The following TLE1 variants were observed in gnomAD, a reference collection of about 807,000 sequenced individuals.
The protein encoded by TLE1 is transducin-like enhancer protein 1.
TLE1 carries 21 observed loss-of-function variants against 89.8 expected under a neutral mutation model. That is an observed-to-expected ratio of 0.23 (90% confidence interval 0.17 to 0.34). The LOEUF is 0.34. Ranked by LOEUF, TLE1 falls within the 10% of genes least tolerant of loss-of-function variation. TLE1 has a pLI of 1.00. For synonymous variants in TLE1, 447 were observed against 407.6 expected, an observed-to-expected ratio of 1.10 and a Z score of -1.16; for missense variants, 795 against 1,031.2, an observed-to-expected ratio of 0.77 and a Z score of 3.14.
intron 6 of TLE1, among the ~76,000 whole-genome samples, chr9:81,641,304 A>C (rs1828084367): frequency 6.6e-6 from 1 of 152,204 alleles, no homozygotes; most frequent in South Asian, 2.1e-4. Flanking sequence ...CAAGGACACT[A>C]CTGCAGGAGT....
intron 8 of TLE1, among the ~76,000 whole-genome samples, chr9:81,626,347 A>AC (rs906455580): frequency 6.7e-6 from 1 of 149,104 alleles, no homozygotes; most frequent in Non-Finnish European, 1.5e-5. Context: ...GTAACGACGC[A>AC]CCCCATCACA....
chr9:81,593,394 GT>G, intron 14 of TLE1, 120 bp from the exon 15 acceptor site: 1 of 1,328,988 alleles, frequency 7.5e-7, no homozygotes, highest in Non-Finnish European at 1.0e-6. Context: ...CTCTTGTATA[GT>G]TTCCTTTGAA....
chr9:81,598,741 G>C (rs147412812), intron 14 of TLE1, among the ~76,000 whole-genome samples: 17 of 152,288 alleles, frequency 1.1e-4, no homozygotes, highest in African/African-American at 3.8e-4. Flanking sequence ...GGGAAAGGCA[G>C]TCTCTAGACA....
chr9:81,604,381 G>A (rs959743087), intron 14 of TLE1, among the ~76,000 whole-genome samples: 8 of 152,146 alleles, frequency 5.3e-5, no homozygotes, highest in African/African-American at 1.7e-4. Flanking sequence ...GGGCTGAAGC[G>A]ACAGACAAAT....
intron 6 of TLE1, among the ~76,000 whole-genome samples, chr9:81,642,710 G>C (rs866494516): frequency 1.8e-4 from 3 of 16,924 alleles, no homozygotes; most frequent in African/African-American, 1.5e-3. Flanking sequence ...TGAAAGAAAA[G>C]AAAGAAAGGA....
At chr9:81,640,380 T>C (rs1450356688) in intron 6 of TLE1, among the ~76,000 whole-genome samples, 1 of 149,014 alleles carries the variant, frequency 6.7e-6, no homozygotes, top group East Asian at 2.0e-4. Flanking sequence ...CTGATTCCAC[T>C]AACAATTTCA....
chr9:81,613,682 A>C (rs1009705483), intron 11 of TLE1, among the ~76,000 whole-genome samples, 161 bp from the exon 12 acceptor site: 2 of 152,152 alleles, frequency 1.3e-5, no homozygotes, highest in African/African-American at 2.4e-5. Context: ...GTGAGCGAGA[A>C]ATGTTGACCT....
At position 81,634,308 on chromosome 9, in the gene TLE1, G is replaced by C. The variant is rs1287317325; in HGVS notation, c.373-7C>G. 4 of 1,487,200 alleles carry C rather than the reference G, an allele frequency of 2.7e-6. No individual in the cohort carries two copies. Among genetic ancestry groups the C allele is most frequent in the Non-Finnish European group, 3.6e-6 (4 of 1,106,216 alleles). 92.1% of individuals were successfully genotyped at this position (1,487,200 alleles called of 1,614,324 possible). On this transcript the variant is annotated splice_polypyrimidine_tract_variant and splice_region_variant and intron_variant, in intron 6 of 19. Coordinates refer to ENST00000376499, the MANE Select transcript of TLE1 (RefSeq NM_005077.5). ...GAGCTTGCAACTGCTGCTGCTGTTGGTGGTGGTGGTGAGAGAGAAAAAGGA... is the reference window on the plus strand; with the variant it reads ...GAGCTTGCAACTGCTGCTGCTGTTGCTGGTGGTGGTGAGAGAGAAAAAGGA...
rs760917982 is a variant in TLE1 at position 81,611,952 on chromosome 9, G to A, written c.1071C>T (p.Gly357=). 2.8e-6 allele frequency: 4 copies of A among 1,447,044 alleles called. No individual in the cohort carries two copies. In the East Asian group the frequency reaches 1.1e-4, roughly 40 times the overall value. The allele number at this position is 1,447,044 out of a possible 1,614,324, so 89.6% of individuals were successfully genotyped here. A position where few individuals can be genotyped will look rare whatever the true frequency, so the allele number is the denominator to read the frequency against. Residue 357 remains glycine (G), a synonymous_variant, in exon 13 of 20, where the codon GGC becomes GGT. Transcript: ENST00000376499. ...CGGGCACTGCCAGGGGTGTCCTCAA[G>A]CCAGCTGCTGAAAGGAAACACAAGC... ...IDPLVNQAAA[G]LRTPLAVPGP... is the part of the protein sequence containing the mutation.
At position 81,587,912 on chromosome 9, in the gene TLE1, G is replaced by GTGTGTGTGTGTGTGTCATCCCGCC. The variant is rs1554716616; in HGVS notation, c.1830-85_1830-84insGGCGGGATGACACACACACACACA. The GTGTGTGTGTGTGTGTCATCCCGCC allele has an allele frequency of 5.9e-3, 5,356 of 905,204 alleles. 373 individuals carry two copies. The highest frequency in any genetic ancestry group is 0.026 in the African/African-American group (1,401 of 53,296). 56.1% of individuals were successfully genotyped at this position (905,204 alleles called of 1,614,324 possible). A position where few individuals can be genotyped will look rare whatever the true frequency, so the allele number is the denominator to read the frequency against. On this transcript the variant is annotated intron_variant, in intron 16 of 19. Transcript: ENST00000376499. ...TTGTGTTGTTAGTTTTGGACCGTGT[G>GTGTGTGTGTGTGTGTCATCCCGCC]TGTGTGTGTGTGTGTGTGTGTGTGT... is the stretch of plus-strand genomic sequence containing the variant.
intron 8 of TLE1, 34 bp downstream of exon 8, chr9:81,633,314 T>A (rs894956127): frequency 1.4e-6 from 2 of 1,416,298 alleles, no homozygotes. Flanking sequence ...TGTGTGTGTG[T>A]GTGTGTGTGT....
Position 81,583,815 on chromosome 9 carries a change from C to A in TLE1, c.*383G>T. ...CAGGAAACAAGTTCATTGGAGACAC[C>A]ACTGCTCTACAAAGGACGGAAAGTG... On this transcript the variant is annotated 3_prime_UTR_variant, in exon 20 of 20. Transcript: ENST00000376499. 5.4e-6 allele frequency: 1 copy of A among 184,064 alleles called. No homozygotes were observed. Among genetic ancestry groups the A allele is most frequent in the Admixed American group, 5.4e-5 (1 of 18,374 alleles). 11.4% of individuals were successfully genotyped at this position (184,064 alleles called of 1,614,324 possible). A position where few individuals can be genotyped will look rare whatever the true frequency, so the allele number is the denominator to read the frequency against.
intron 4 of TLE1, among the ~76,000 whole-genome samples, chr9:81,667,823 T>C (rs1173717673): frequency 6.6e-6 from 1 of 152,048 alleles, no homozygotes; most frequent in Non-Finnish European, 1.5e-5. Context: ...CAATATCACA[T>C]GCCAAAAAAC....
At chr9:81,686,823 C>T (rs181033327) in intron 2 of TLE1, among the ~76,000 whole-genome samples, 1 of 152,308 alleles carries the variant, frequency 6.6e-6, no homozygotes, top group African/African-American at 2.4e-5. Flanking sequence ...AGCAGGTGAG[C>T]TTTCTTCTTT....
intron 10 of TLE1, 62 bp downstream of exon 10, chr9:81,616,584 T>G (rs1242815713): frequency 4.4e-6 from 7 of 1,583,024 alleles, no homozygotes; most frequent in African/African-American, 4.1e-5. Flanking sequence ...TCACTGTTAG[T>G]TTTTTTTCAT....
intron 4 of TLE1, 118 bp downstream of exon 4, chr9:81,685,558 G>A (rs1043640131): frequency 5.1e-5 from 50 of 978,060 alleles, no homozygotes; most frequent in Middle Eastern, 6.3e-4. Context: ...AGGAAACCAA[G>A]GCAGAAAAAT....
At chr9:81,598,368 C>T (rs1375102700) in intron 14 of TLE1, among the ~76,000 whole-genome samples, 1 of 152,182 alleles carries the variant, frequency 6.6e-6, no homozygotes, top group Non-Finnish European at 1.5e-5. Flanking sequence ...TCCTCCCTCC[C>T]TCTGCCTGCC....
chr9:81,630,361 T>C (rs1340395869), intron 8 of TLE1, among the ~76,000 whole-genome samples: 1 of 152,216 alleles, frequency 6.6e-6, no homozygotes, highest in African/African-American at 2.4e-5. Flanking sequence ...TTTGTAGACA[T>C]ACATAACAAT....
In TLE1 at chr9:81,677,330, C is replaced by T. The variant is rs550612912; in HGVS notation, c.234+8346G>A. On this transcript the variant is annotated intron_variant, in intron 4 of 19. Transcript: ENST00000376499. ...CCTGTAATCCCAGCACTTTGGGAGG[C>T]TGAGGTGGGCAGATCATGAGGTCAG... Among the ~76,000 whole-genome samples the T allele has an allele frequency of 2.0e-4, 30 of 151,998 alleles. No homozygotes were observed. The South Asian group carries it at 5.2e-3, about 26-fold the overall frequency.
Sources: allele counts gnomAD v4.1 joint callset (sites outside exome capture counted in the v4.1 genomes callset), GRCh38; gene constraint gnomAD v4.1.1; transcripts MANE v1.5; gene names NCBI Gene and HGNC (gene_info 2026-07-23, HGNC 2026-07-21).